Variants in PKIB observed in about 807,000 individuals in gnomAD.
The protein encoded by PKIB is PKI-beta.
In PKIB, 2 loss-of-function variants were observed where a neutral mutation model predicts 4.5. That is an observed-to-expected ratio of 0.44 (90% CI 0.18 to 1.39). The LOEUF (loss-of-function observed/expected upper bound fraction) is 1.39, where lower values mean the gene tolerates loss of function less well. Among genes scored for constraint, PKIB ranks in the 40% most tolerant of loss-of-function variants. The probability of loss-of-function intolerance (pLI) is 0.27; values close to 1 mark genes in which losing one functional copy is unlikely to be tolerated. For missense variants in PKIB, 94 were observed against 92.6 expected (o/e 1.02, Z -0.06); for synonymous variants, 38 against 36.0 (o/e 1.06, Z -0.20).
chr6:122,511,953 C>T (rs1006694390), intron 2 of PKIB, among the ~76,000 whole-genome samples: 1 of 152,070 alleles, frequency 6.6e-6, no homozygotes, highest in South Asian at 2.1e-4. Context: ...GATAAGAGAG[C>T]GGATCTCACT....
intron 3 of PKIB, among the ~76,000 whole-genome samples, chr6:122,705,265 T>C (rs1779008357): frequency 6.6e-6 from 1 of 152,140 alleles, no homozygotes; most frequent in Non-Finnish European, 1.5e-5. Context: ...TTTTCAGAAA[T>C]CAATGGACAA....
intron 2 of PKIB, among the ~76,000 whole-genome samples, chr6:122,542,011 C>G (rs915961606): frequency 6.6e-6 from 1 of 152,032 alleles, no homozygotes; most frequent in African/African-American, 2.4e-5. Flanking sequence ...ACTTAATTCT[C>G]GAGCCTTGGC....
At chr6:122,626,916 A>T (rs1775468874) in intron 1 of PKIB, among the ~76,000 whole-genome samples, 1 of 152,052 alleles carries the variant, frequency 6.6e-6, no homozygotes, top group Non-Finnish European at 1.5e-5. Flanking sequence ...TTCAAAGGAC[A>T]ATTTAAATTT....
chr6:122,667,667 A>C (rs1416771324), intron 2 of PKIB, among the ~76,000 whole-genome samples: 1 of 152,214 alleles, frequency 6.6e-6, no homozygotes, highest in Non-Finnish European at 1.5e-5. Flanking sequence ...AAGAAGTTTA[A>C]TAGTTATGGA....
At chr6:122,621,009 A>T (rs184648373) in intron 1 of PKIB, among the ~76,000 whole-genome samples, 166 of 151,830 alleles carry the variant, frequency 1.1e-3, no homozygotes, top group African/African-American at 3.9e-3. Context: ...TCTTGTTATT[A>T]TGATTATAAT....
At chr6:122,471,950 GTCT>G in exon 1 of PKIB, 1 of 1,139,758 alleles carries the variant, frequency 8.8e-7, no homozygotes, top group Non-Finnish European at 1.2e-6. Context: ...CGACACGGCT[GTCT>G]TCTTTCCTGG....
intron 3 of PKIB, among the ~76,000 whole-genome samples, chr6:122,601,813 A>C (rs1774377261): frequency 6.6e-6 from 1 of 152,184 alleles, no homozygotes; most frequent in African/African-American, 2.4e-5. Context: ...GTTATCAATA[A>C]GGCTTCTGGA....
chr6:122,496,994 G>A (rs910009656), intron 2 of PKIB, among the ~76,000 whole-genome samples: 1 of 152,164 alleles, frequency 6.6e-6, no homozygotes, highest in African/African-American at 2.4e-5. Context: ...TAGATTACAT[G>A]CAAAGGCAAC....
chr6:122,657,713 C>G (rs1240449662), intron 2 of PKIB, among the ~76,000 whole-genome samples: 1 of 152,130 alleles, frequency 6.6e-6, no homozygotes, highest in Non-Finnish European at 1.5e-5. Context: ...ATTTGTTGCT[C>G]TTTTTTTAGC....
chr6:122,531,244 G>T (rs1777247981), intron 2 of PKIB: 1 of 152,066 alleles, frequency 6.6e-6, no homozygotes, highest in Non-Finnish European at 1.5e-5. Context: ...ATTAGTTTCT[G>T]CTGCCCCGTC....
At chr6:122,603,323 G>C (rs1283699983) in intron 3 of PKIB, among the ~76,000 whole-genome samples, 1 of 152,142 alleles carries the variant, frequency 6.6e-6, no homozygotes, top group Non-Finnish European at 1.5e-5. Context: ...ATAAGATAAG[G>C]CATGAGAGAC....
intron 1 of PKIB, among the ~76,000 whole-genome samples, chr6:122,627,090 A>C (rs78150324): frequency 1.3e-5 from 2 of 151,286 alleles, no homozygotes; most frequent in African/African-American, 4.8e-5. Context: ...AAAAAAAAAA[A>C]AAATTAGCTG....
chr6:122,706,417 T>C (rs947831755), intron 3 of PKIB, among the ~76,000 whole-genome samples: 2 of 152,190 alleles, frequency 1.3e-5, no homozygotes, highest in African/African-American at 2.4e-5. Context: ...TCTATCACAA[T>C]GCTTAGTCTT....
chr6:122,520,048 A>G (rs1776888224), intron 2 of PKIB, among the ~76,000 whole-genome samples: 1 of 152,146 alleles, frequency 6.6e-6, no homozygotes, highest in Admixed American at 6.5e-5. Flanking sequence ...CAGTTATGTT[A>G]TAGTTATCCA....
intron 2 of PKIB, among the ~76,000 whole-genome samples, chr6:122,573,261 T>C (rs577875684): frequency 6.6e-6 from 1 of 151,842 alleles, no homozygotes; most frequent in Admixed American, 6.6e-5. Flanking sequence ...CAAAAGATAA[T>C]ACATCATGAT....
At chr6:122,487,069 A>G (rs1562225685) in intron 2 of PKIB, among the ~76,000 whole-genome samples, 1 of 152,348 alleles carries the variant, frequency 6.6e-6, no homozygotes, top group East Asian at 1.9e-4. Flanking sequence ...ACCACAATGT[A>G]CCAAAATCAG....
At chr6:122,704,584 A>AT (rs1261855898) in intron 3 of PKIB, among the ~76,000 whole-genome samples, 73 of 152,326 alleles carry the variant, frequency 4.8e-4, no homozygotes, top group Non-Finnish European at 8.8e-4. Flanking sequence ...GAATTGGAAC[A>AT]TGAAAAAAAT....
intron 2 of PKIB, among the ~76,000 whole-genome samples, chr6:122,635,460 G>A (rs1775878283): frequency 6.7e-6 from 1 of 149,094 alleles, no homozygotes; most frequent in African/African-American, 2.5e-5. Context: ...CACTCTTAAG[G>A]AACAAATTAT....
At chr6:122,713,566 A>G (rs1352479060) in intron 3 of PKIB, among the ~76,000 whole-genome samples, 1 of 152,234 alleles carries the variant, frequency 6.6e-6, no homozygotes, top group African/African-American at 2.4e-5. Flanking sequence ...GGTGTTGTAT[A>G]GAAAACTAAC....
Sources: gnomAD v4.1 joint callset for allele counts (sites outside exome capture counted in the v4.1 genomes callset) on GRCh38, gnomAD v4.1.1 for gene constraint, MANE v1.5 for transcripts, NCBI Gene and HGNC (gene_info 2026-07-23, HGNC 2026-07-21) for gene names.